HIBCH: variants seen among roughly 807,000 people sequenced by gnomAD.
HIBCH encodes the protein 3-hydroxyisobutyryl-CoA hydrolase, mitochondrial.
A neutral mutation model predicts 58.2 loss-of-function variants in HIBCH; 50 were observed. That is an observed-to-expected ratio of 0.86 (90% CI 0.68 to 1.09). The LOEUF is 1.09. Among genes scored for constraint, HIBCH ranks in the 50% least tolerant of loss-of-function variants. The pLI is 0.00. For missense variants in HIBCH, 450 were observed against 449.7 expected, an observed-to-expected ratio of 1.00 and a Z score of -0.01; for synonymous variants, 151 against 146.9, an observed-to-expected ratio of 1.03 and a Z score of -0.20.
intron 1 of HIBCH, among the ~76,000 whole-genome samples, chr2:190,196,061 G>GTTAT (rs145121242): frequency 0.32 from 47,754 of 148,030 alleles, 7,775 homozygotes; most frequent in Non-Finnish European, 0.35. Flanking sequence ...CCTTTCAATT[G>GTTAT]TTATTTTTAG....
chr2:190,260,583 G>A (rs1687060980), intron 7 of HIBCH: 1 of 152,322 alleles, frequency 6.6e-6, no homozygotes, highest in Admixed American at 6.5e-5. Flanking sequence ...GAACAAAGGT[G>A]GAACATTGTC....
intron 1 of HIBCH, among the ~76,000 whole-genome samples, chr2:190,318,600 C>T (rs952313685): frequency 1.3e-5 from 2 of 152,076 alleles, no homozygotes; most frequent in African/African-American, 2.4e-5. Flanking sequence ...CATCTTGGAA[C>T]GTGGGGTGGA....
chr2:190,308,726 A>T (rs1688478480), intron 2 of HIBCH, among the ~76,000 whole-genome samples: 1 of 152,132 alleles, frequency 6.6e-6, no homozygotes, highest in African/African-American at 2.4e-5. Context: ...CAAATTCCTC[A>T]GTTTTAGGTA....
chr2:190,259,352 T>TGTGTGC (rs1197131047), intron 7 of HIBCH, among the ~76,000 whole-genome samples: 1 of 150,888 alleles, frequency 6.6e-6, no homozygotes. Flanking sequence ...TGTGTGTGTG[T>TGTGTGC]GTGTGTGTGT....
intron 1 of HIBCH, among the ~76,000 whole-genome samples, chr2:190,193,325 C>A (rs796468345): frequency 5.2e-4 from 79 of 152,098 alleles, no homozygotes; most frequent in Middle Eastern, 3.4e-3. Flanking sequence ...CCATTTTACA[C>A]GTTAGATTCA....
At chr2:190,287,027 C>CATGT (rs1553504916) in intron 6 of HIBCH, among the ~76,000 whole-genome samples, 2 of 142,114 alleles carry the variant, frequency 1.4e-5, no homozygotes, top group African/African-American at 5.3e-5. Context: ...TAGCATATAA[C>CATGT]GTGTGTGTGT....
In HIBCH at chr2:190,305,160, G is replaced by C. The variant is rs1157807551; in HGVS notation, c.78+5594C>G. ...GATTAAAGAGTGATTAGGTACAGAG[G>C]ATTAACAGTAGGAATAGAAAGAAAA... On this transcript the variant is annotated intron_variant, in intron 2 of 13. Transcript: ENST00000359678. Among the ~76,000 whole-genome samples, 11 of 152,258 alleles carry C rather than the reference G, an allele frequency of 7.2e-5. No individual in the cohort carries two copies. In the South Asian group the frequency reaches 2.1e-3, roughly 29 times the overall value.
chr2:190,259,319 A>ATGTGTGTGTG (rs370172555), intron 7 of HIBCH, among the ~76,000 whole-genome samples: 5,691 of 121,956 alleles, frequency 0.047, 268 homozygotes, highest in East Asian at 0.075. Flanking sequence ...CAGTATACAG[A>ATGTGTGTGTG]TGTGTGTGTG....
chr2:190,290,585 G>T, intron 4 of HIBCH, 100 bp from the exon 5 acceptor site: 2 of 790,724 alleles, frequency 2.5e-6, no homozygotes, highest in Non-Finnish European at 4.2e-6. Context: ...GGGGAAGGGA[G>T]TACTCTAAAA....
intron 11 of HIBCH, among the ~76,000 whole-genome samples, chr2:190,233,950 G>C (rs1390598102): frequency 1.3e-5 from 2 of 152,232 alleles, no homozygotes; most frequent in Admixed American, 6.5e-5. Flanking sequence ...ATGAGGTCAG[G>C]AATTAGAGAC....
chr2:190,278,204 G>C (rs941681822), intron 6 of HIBCH, among the ~76,000 whole-genome samples: 1 of 151,904 alleles, frequency 6.6e-6, no homozygotes, highest in African/African-American at 2.4e-5. Flanking sequence ...GGCAGGGAAA[G>C]AATCTGCTTT....
intron 1 of HIBCH, among the ~76,000 whole-genome samples, chr2:190,195,998 G>C (rs963591745): frequency 1.6e-5 from 2 of 123,456 alleles, no homozygotes; most frequent in Non-Finnish European, 1.6e-5. Flanking sequence ...AGCACTCGTT[G>C]AAAAGACTAT....
rs1425114731 is a variant in HIBCH, at chr2:190,250,464, A to G, written c.664-738T>C. 1.8e-5 allele frequency: 8 copies of G among 445,330 alleles called. No individual in the cohort carries two copies. In the East Asian group the frequency reaches 4.9e-4, roughly 27 times the overall value. The allele number at this position is 445,330 out of a possible 1,614,324, so 27.6% of individuals were successfully genotyped here. ...TCCCCAAAGTATATTCCTCTTTTTC[A>G]TATCCTCTACAGCCCTGAGAATGTC... On this transcript the variant is annotated intron_variant, in intron 8 of 13. Transcript: ENST00000359678.
In HIBCH at chr2:190,236,852, G is replaced by A. The variant is rs1431961322; in HGVS notation, c.891+8035C>T. The stretch of plus-strand genomic sequence containing the variant: ...ATTTTATGTTTCCTAAATGCCAATG[G>A]TAGCATTTAAGGGTCGCTAAGGCCC... On this transcript the variant is annotated intron_variant, in intron 11 of 13. Transcript: ENST00000359678. The surrounding 1 kb of genome is among the most constrained non-coding windows in gnomAD (Gnocchi z 4.1). 1.3e-5 allele frequency among the ~76,000 whole-genome samples: 2 copies of A among 152,040 alleles called. No individual in the cohort carries two copies. The highest frequency in any genetic ancestry group is 4.8e-5 in the African/African-American group (2 of 41,400).
chr2:190,242,756 A>C (rs1281535213), intron 11 of HIBCH, among the ~76,000 whole-genome samples: 1 of 152,200 alleles, frequency 6.6e-6, no homozygotes, highest in African/African-American at 2.4e-5. Flanking sequence ...TATTTCCTCC[A>C]TCTTTTGCTA....
chr2:190,205,923 T>C (rs950504689), intron 13 of HIBCH, among the ~76,000 whole-genome samples: 1 of 152,166 alleles, frequency 6.6e-6, no homozygotes, highest in Non-Finnish European at 1.5e-5. Flanking sequence ...ACGTTATCAT[T>C]TGGGAGACTG....
Position 190,243,831 on chromosome 2 carries a change from G to A in HIBCH, c.891+1056C>T, listed in dbSNP as rs906968704. 1.6e-4 allele frequency among the ~76,000 whole-genome samples: 24 copies of A among 152,208 alleles called. No individual in the cohort carries two copies. The highest frequency in any genetic ancestry group is 5.8e-4 in the East Asian group (3 of 5,164). The stretch of plus-strand genomic sequence containing the variant: ...AAAAAATACAAAAAATTAGCCACCC[G>A]TGGTGGCACACGCCCGTAGTCCCAG... On this transcript the variant is annotated intron_variant, in intron 11 of 13. Coordinates refer to ENST00000359678, the MANE Select transcript of HIBCH (RefSeq NM_014362.4). This position sits in a 1 kb window ranked among gnomAD's most constrained non-coding sequence, Gnocchi z 4.1.
chr2:190,208,913 T>A lies in HIBCH; in HGVS notation c.1012A>T (p.Arg338Ter), dbSNP rs1364971527. The change falls in exon 13 of 14, where the codon AGA becomes TGA. Residue 338 changes from arginine (R) to a stop codon, truncating the protein, a stop_gained and splice_region_variant. Coordinates refer to ENST00000359678, the MANE Select transcript of HIBCH (RefSeq NM_014362.4). LOFTEE classifies it high-confidence loss of function. ...MEYRLSQACMRGHDFHEGVRA... is the reference protein window; with the variant it reads ...MEYRLSQACM ...ACGCCTTCATGAAAGTCATGACCTCTCTGAAAGAAAATTGAGATTAAATGG... is the reference window on the plus strand; with the variant it reads ...ACGCCTTCATGAAAGTCATGACCTCACTGAAAGAAAATTGAGATTAAATGG... The A allele has an allele frequency of 1.2e-6, 2 of 1,613,472 alleles. No individual in the cohort carries two copies. The highest frequency in any genetic ancestry group is 3.3e-5 in the Admixed American group (2 of 60,022).
At chr2:190,283,408 G>A (rs1687754698) in intron 6 of HIBCH, among the ~76,000 whole-genome samples, 1 of 152,094 alleles carries the variant, frequency 6.6e-6, no homozygotes, top group African/African-American at 2.4e-5. Context: ...CAGCAGCACG[G>A]GCCATGTGCA....
Sources: allele counts gnomAD v4.1 joint callset (sites outside exome capture counted in the v4.1 genomes callset), GRCh38; gene constraint gnomAD v4.1.1; non-coding constraint Gnocchi (gnomAD v3.1); transcripts MANE v1.5; gene names NCBI Gene and HGNC (gene_info 2026-07-23, HGNC 2026-07-21).